The following BMPR1B variants were observed in gnomAD, a reference collection of about 807,000 sequenced individuals.
BMPR1B encodes the protein bone morphogenetic protein receptor type 1B, also known as bone morphogenetic protein receptor type-1B.
BMPR1B carries 12 observed loss-of-function variants against 59.1 expected under a neutral mutation model. That is an observed-to-expected ratio of 0.20 (90% CI 0.13 to 0.33). The LOEUF is 0.33. Ranked by LOEUF, BMPR1B falls within the 10% of genes least tolerant of loss-of-function variation. The pLI is 1.00. For synonymous variants in BMPR1B, 237 were observed against 207.3 expected, an observed-to-expected ratio of 1.14 and a Z score of -1.23; for missense variants, 550 against 610.9, an observed-to-expected ratio of 0.90 and a Z score of 1.05.
At chr4:94,797,824 C>T (rs1723253010) in intron 1 of BMPR1B, among the ~76,000 whole-genome samples, 1 of 152,186 alleles carries the variant, frequency 6.6e-6, no homozygotes, top group Non-Finnish European at 1.5e-5. Flanking sequence ...GAAACACTCT[C>T]ATGGGCTAAA....
chr4:94,847,398 C>G (rs1234743355), intron 1 of BMPR1B, among the ~76,000 whole-genome samples: 1 of 152,250 alleles, frequency 6.6e-6, no homozygotes, highest in Non-Finnish European at 1.5e-5. Flanking sequence ...AAAGTAAAAA[C>G]AGGACTACCA....
intron 1 of BMPR1B, among the ~76,000 whole-genome samples, chr4:94,836,500 G>C (rs1372403636): frequency 6.9e-6 from 1 of 145,234 alleles, no homozygotes; most frequent in Admixed American, 6.8e-5. Flanking sequence ...GCATTTCTCT[G>C]ATGGCCAGTG....
rs755476693 is a variant in BMPR1B at position 95,130,003 on chromosome 4, A to G, written c.727A>G (p.Arg243Gly). 2.3e-5 allele frequency: 37 copies of G among 1,613,930 alleles called. No homozygotes were observed. Among genetic ancestry groups the G allele is most frequent in the Non-Finnish European group, 3.0e-5 (35 of 1,179,944 alleles). The change falls in exon 9 of 13, where the codon AGA becomes GGA. Residue 243 changes from arginine (R) to glycine (G), a missense_variant. Physicochemically the swap from Arg to Gly is moderately radical, Grantham distance 125 (BLOSUM62 -2). Transcript: ENST00000515059. Reference protein sequence around the residue: ...FFTTEEASWFRETEIYQTVLM... With the variant: ...FFTTEEASWFGETEIYQTVLM... ...CACCACAGAGGAAGCCAGCTGGTTC[A>G]GAGAGACAGAAATATATCAGACAGT...
intron 1 of BMPR1B, among the ~76,000 whole-genome samples, chr4:94,845,876 A>G (rs1050464436): frequency 7.2e-5 from 11 of 152,222 alleles, no homozygotes; most frequent in Non-Finnish European, 1.5e-4. Flanking sequence ...GGCATAATAG[A>G]GAATCAGCCT....
At chr4:94,877,783 C>T (rs1031344093) in intron 2 of BMPR1B, among the ~76,000 whole-genome samples, 4 of 151,892 alleles carry the variant, frequency 2.6e-5, no homozygotes, top group Non-Finnish European at 5.9e-5. Flanking sequence ...CATTGAGATA[C>T]ATTTTATATA....
At chr4:94,889,930 C>G (rs1727323776) in intron 2 of BMPR1B, among the ~76,000 whole-genome samples, 1 of 151,866 alleles carries the variant, frequency 6.6e-6, no homozygotes, top group South Asian at 2.1e-4. Flanking sequence ...AGTCACATGG[C>G]AGGTTGTATT....
chr4:95,103,103 T>C (rs1384291184), intron 3 of BMPR1B, among the ~76,000 whole-genome samples: 1 of 152,084 alleles, frequency 6.6e-6, no homozygotes, highest in South Asian at 2.1e-4. Flanking sequence ...TAATGAAATA[T>C]TATAGTTAAT....
chr4:94,884,802 C>A (rs1727110284), intron 2 of BMPR1B, among the ~76,000 whole-genome samples: 1 of 152,160 alleles, frequency 6.6e-6, no homozygotes, highest in Admixed American at 6.5e-5. Context: ...CGTAGTTGTT[C>A]CTATTAAGAA....
At chr4:94,957,859 AG>A (rs982274350) in intron 2 of BMPR1B, among the ~76,000 whole-genome samples, 2 of 152,138 alleles carry the variant, frequency 1.3e-5, no homozygotes, top group Non-Finnish European at 2.9e-5. Context: ...CCTTTTTATT[AG>A]GTTGTATACG....
intron 2 of BMPR1B, among the ~76,000 whole-genome samples, chr4:94,939,233 TAA>T (rs904024708): frequency 6.6e-6 from 1 of 150,934 alleles, no homozygotes; most frequent in Non-Finnish European, 1.5e-5. Flanking sequence ...TGTATGTAAT[TAA>T]AAAAAAAGCT....
chr4:94,825,254 G>A (rs781093932), intron 1 of BMPR1B, among the ~76,000 whole-genome samples: 13 of 152,154 alleles, frequency 8.5e-5, no homozygotes, highest in Non-Finnish European at 1.6e-4. Context: ...TGTAATCCCA[G>A]CTACTCAGGA....
chr4:94,780,714 A>T (rs1218121528), intron 1 of BMPR1B, among the ~76,000 whole-genome samples: 4 of 115,474 alleles, frequency 3.5e-5, no homozygotes, highest in African/African-American at 1.4e-4. Flanking sequence ...TTTGAGACAG[A>T]GTCTCGCTCT....
chr4:94,822,312 C>T (rs771994819), intron 1 of BMPR1B, among the ~76,000 whole-genome samples: 4 of 152,216 alleles, frequency 2.6e-5, no homozygotes, highest in Non-Finnish European at 5.9e-5. Flanking sequence ...AGGAGATAGA[C>T]ATTCAGACCA....
intron 2 of BMPR1B, among the ~76,000 whole-genome samples, chr4:94,935,142 C>G (rs1729243371): frequency 6.6e-6 from 1 of 152,050 alleles, no homozygotes; most frequent in South Asian, 2.1e-4. Context: ...TTTCTTGCTT[C>G]TCCATTTTAA....
chr4:94,949,246 A>T (rs1440532505), intron 2 of BMPR1B, among the ~76,000 whole-genome samples: 2 of 150,414 alleles, frequency 1.3e-5, no homozygotes, highest in Non-Finnish European at 2.9e-5. Context: ...TCCCTGTGTT[A>T]GTTTGCTGAG....
chr4:95,068,800 C>T (rs2149216459), intron 3 of BMPR1B, among the ~76,000 whole-genome samples: 1 of 152,264 alleles, frequency 6.6e-6, no homozygotes, highest in East Asian at 1.9e-4. Flanking sequence ...CAAATAAACT[C>T]ACTCTATGCA....
At chr4:95,093,724 G>GT (rs1730168005) in intron 3 of BMPR1B, among the ~76,000 whole-genome samples, 2 of 152,054 alleles carry the variant, frequency 1.3e-5, no homozygotes, top group Admixed American at 1.3e-4. Flanking sequence ...CATAACCCGG[G>GT]TGATGTGTAA....
chr4:94,770,180 G>GGTTTTTTTTTTTTTTTTTT (rs771544268), intron 1 of BMPR1B, among the ~76,000 whole-genome samples: 3 of 106,252 alleles, frequency 2.8e-5, no homozygotes, highest in African/African-American at 4.1e-5. Context: ...CTTCGTTTCT[G>GGTTTTTTTTTTTTTTTTTT]TGTTTGTTTT....
chr4:95,076,260 T>C (rs1728697979), intron 3 of BMPR1B, among the ~76,000 whole-genome samples: 1 of 152,120 alleles, frequency 6.6e-6, no homozygotes, highest in Non-Finnish European at 1.5e-5. Flanking sequence ...ATACTTGAGA[T>C]TGGTCTTATG....
Sources: allele counts gnomAD v4.1 joint callset (sites outside exome capture counted in the v4.1 genomes callset), GRCh38; gene constraint gnomAD v4.1.1; transcripts MANE v1.5; gene names NCBI Gene and HGNC (gene_info 2026-07-23, HGNC 2026-07-21).